Variants in LPGAT1 observed in about 807,000 individuals in gnomAD.
LPGAT1 encodes lysophosphatidylglycerol acyltransferase 1.
Under a neutral mutation model 47.5 loss-of-function variants are expected in LPGAT1, and 11 were observed. The observed-to-expected ratio is 0.23, with a 90% CI of 0.15 to 0.38. LPGAT1 has a LOEUF of 0.38. Among genes scored for constraint, LPGAT1 ranks in the 10% least tolerant of loss-of-function variants. The probability of loss-of-function intolerance (pLI) is 1.00; values close to 1 mark genes in which losing one functional copy is unlikely to be tolerated. For synonymous variants in LPGAT1, 138 were observed against 144.2 expected (o/e 0.96, Z 0.31); for missense variants, 293 against 439.0 (o/e 0.67, Z 2.97).
At chr1:211,760,452 T>TC (rs780314125) in intron 6 of LPGAT1, among the ~76,000 whole-genome samples, 2 of 151,924 alleles carry the variant, frequency 1.3e-5, no homozygotes, top group African/African-American at 2.4e-5. Flanking sequence ...CAAAACTCCG[T>TC]CCCCCCAACC....
In LPGAT1 at chr1:211,784,842, T is replaced by G. The variant is rs147727051; in HGVS notation, c.454-1340A>C. ...TTTTTGAGACAGAGTCTCGCTCTGT[T>G]GCCCAGGCTGGAGTGCAGTGGTGCG... On this transcript the variant is annotated intron_variant, in intron 4 of 7. Transcript: ENST00000366997. 2.0e-5 allele frequency among the ~76,000 whole-genome samples: 3 copies of G among 151,200 alleles called. No individual in the cohort carries two copies. In the South Asian group the frequency reaches 6.3e-4, roughly 32 times the overall value.
At chr1:211,813,236 G>A (rs557126069) in intron 2 of LPGAT1, among the ~76,000 whole-genome samples, 3 of 152,136 alleles carry the variant, frequency 2.0e-5, no homozygotes, top group African/African-American at 7.2e-5. Context: ...TCAACTCTAC[G>A]AATGCATTAA....
chr1:211,752,871 G>A (rs1004917617), intron 6 of LPGAT1, among the ~76,000 whole-genome samples: 1 of 151,334 alleles, frequency 6.6e-6, no homozygotes, highest in East Asian at 1.9e-4. Context: ...CATATTTCTT[G>A]AATCTTGTTA....
At chr1:211,795,799 C>A (rs566284931) in intron 2 of LPGAT1, among the ~76,000 whole-genome samples, 1 of 152,278 alleles carries the variant, frequency 6.6e-6, no homozygotes, top group African/African-American at 2.4e-5. Context: ...GCACAACATT[C>A]TTTCATTAAT....
intron 2 of LPGAT1, among the ~76,000 whole-genome samples, chr1:211,828,565 A>G (rs1660615966): frequency 6.6e-6 from 1 of 152,236 alleles, no homozygotes; most frequent in Admixed American, 6.5e-5. Flanking sequence ...CAAAAGAAAC[A>G]TACGTAAGAG....
At chr1:211,766,096 G>A (rs1044799835) in intron 6 of LPGAT1, among the ~76,000 whole-genome samples, 4 of 152,034 alleles carry the variant, frequency 2.6e-5, no homozygotes, top group African/African-American at 4.8e-5. Flanking sequence ...ACTGAGACTG[G>A]GACTTACACA....
chr1:211,796,993 C>T (rs1435334814), intron 2 of LPGAT1, among the ~76,000 whole-genome samples: 1 of 152,006 alleles, frequency 6.6e-6, no homozygotes, highest in Non-Finnish European at 1.5e-5. Flanking sequence ...TGGTGGCTCA[C>T]GTCTATAATC....
intron 6 of LPGAT1, among the ~76,000 whole-genome samples, chr1:211,755,371 T>G (rs1657397314): frequency 6.6e-6 from 1 of 151,478 alleles, no homozygotes; most frequent in Non-Finnish European, 1.5e-5. Context: ...ATAAAAAATT[T>G]TATAGTATAG....
At chr1:211,768,546 G>T (rs1026907575) in intron 6 of LPGAT1, among the ~76,000 whole-genome samples, 2 of 152,132 alleles carry the variant, frequency 1.3e-5, no homozygotes, top group African/African-American at 4.8e-5. Flanking sequence ...CCTGCCAAAT[G>T]TCCAATTAAA....
chr1:211,790,896 C>G (rs1346823788), intron 3 of LPGAT1, among the ~76,000 whole-genome samples: 2 of 152,108 alleles, frequency 1.3e-5, no homozygotes, highest in African/African-American at 4.8e-5. Context: ...ACATTGTAGG[C>G]CCTCAGGATA....
chr1:211,752,366 C>T (rs1259452897), intron 6 of LPGAT1, among the ~76,000 whole-genome samples: 1 of 151,684 alleles, frequency 6.6e-6, no homozygotes, highest in Non-Finnish European at 1.5e-5. Flanking sequence ...TATTGGAATC[C>T]CCAAAACACT....
chr1:211,792,647 A>G (rs914164325), intron 3 of LPGAT1, among the ~76,000 whole-genome samples: 5 of 151,058 alleles, frequency 3.3e-5, no homozygotes, highest in African/African-American at 9.7e-5. Context: ...ATTTTTATTT[A>G]AAGTATACAT....
chr1:211,816,293 T>C (rs1335645194), intron 2 of LPGAT1, among the ~76,000 whole-genome samples: 1 of 152,182 alleles, frequency 6.6e-6, no homozygotes, highest in African/African-American at 2.4e-5. Context: ...TCTCCCACAC[T>C]AACATGTAAA....
chr1:211,827,457 A>T (rs1660573347), intron 2 of LPGAT1, among the ~76,000 whole-genome samples: 1 of 152,244 alleles, frequency 6.6e-6, no homozygotes, highest in East Asian at 1.9e-4. Context: ...CCTTCCCACC[A>T]TGCTAACAAT....
intron 3 of LPGAT1, among the ~76,000 whole-genome samples, chr1:211,791,501 T>C (rs1297267025): frequency 6.6e-6 from 1 of 152,178 alleles, no homozygotes; most frequent in African/African-American, 2.4e-5. Flanking sequence ...CCCAGTACTA[T>C]GGGAGGCCAA....
chr1:211,784,808 T>C (rs1658790053), intron 4 of LPGAT1, among the ~76,000 whole-genome samples: 1 of 149,424 alleles, frequency 6.7e-6, no homozygotes, highest in South Asian at 2.1e-4. Context: ...TTCTTTCTTT[T>C]TTTTTTTTTT....
chr1:211,787,515 C>A, intron 4 of LPGAT1, 117 bp downstream of exon 4: 7 of 480,430 alleles, frequency 1.5e-5, no homozygotes, highest in East Asian at 3.8e-5. Context: ...AAAAAGCTCC[C>A]TAAGACTGGT....
chr1:211,784,106 C>T (rs935337376), intron 4 of LPGAT1, among the ~76,000 whole-genome samples: 7 of 152,100 alleles, frequency 4.6e-5, no homozygotes, highest in African/African-American at 1.7e-4. Flanking sequence ...GTTCAAAGAA[C>T]AGCACCAAGG....
intron 2 of LPGAT1, among the ~76,000 whole-genome samples, chr1:211,815,417 A>G (rs1050053049): frequency 4.6e-5 from 7 of 151,860 alleles, no homozygotes; most frequent in African/African-American, 1.5e-4. Flanking sequence ...AAACTCTCCA[A>G]TCAGTTCACT....
Sources: allele counts gnomAD v4.1 joint callset (sites outside exome capture counted in the v4.1 genomes callset), GRCh38; gene constraint gnomAD v4.1.1; transcripts MANE v1.5; gene names NCBI Gene and HGNC (gene_info 2026-07-23, HGNC 2026-07-21).